The following BMPR1A variants were observed in gnomAD, a reference collection of about 807,000 sequenced individuals.
BMPR1A encodes the protein bone morphogenetic protein receptor type-1A.
Under a neutral mutation model 66.0 loss-of-function variants are expected in BMPR1A, and 7 were observed. The ratio of observed to expected loss-of-function variants is 0.11; its 90% CI spans 0.06 to 0.20. BMPR1A has a LOEUF of 0.20. Among genes scored for constraint, BMPR1A ranks in the 10% least tolerant of loss-of-function variants. The pLI, the probability that BMPR1A is intolerant of heterozygous loss-of-function variation, is 1.00. For missense variants in BMPR1A, 408 were observed against 669.1 expected, an observed-to-expected ratio of 0.61 and a Z score of 4.31; for synonymous variants, 200 against 229.7, an observed-to-expected ratio of 0.87 and a Z score of 1.17.
At chr10:86,886,124 C>T (rs1335560766) in intron 3 of BMPR1A, among the ~76,000 whole-genome samples, 1 of 152,098 alleles carries the variant, frequency 6.6e-6, no homozygotes, top group Non-Finnish European at 1.5e-5. Flanking sequence ...GTAGTTTATT[C>T]TTTGTAAATA....
rs112090357 is a variant in BMPR1A at position 86,920,698 on chromosome 10, G to A, written c.1167-822G>A. Among the ~76,000 whole-genome samples the A allele has an allele frequency of 5.5e-3, 841 of 152,200 alleles. 7 individuals carry two copies. Among genetic ancestry groups the A allele is most frequent in the African/African-American group, 0.019 (797 of 41,508 alleles). On this transcript the variant is annotated intron_variant, in intron 10 of 12. Coordinates refer to ENST00000372037, the MANE Select transcript of BMPR1A (RefSeq NM_004329.3). Reference sequence around the variant, plus strand: ...ACATTGCTAACAACAGAACTCTGTTGATGGGACCCATAAAGAAGAAAATGT... The same window carrying A: ...ACATTGCTAACAACAGAACTCTGTTAATGGGACCCATAAAGAAGAAAATGT...
chr10:86,872,376 A>G (rs1307047905), intron 2 of BMPR1A, among the ~76,000 whole-genome samples: 1 of 152,182 alleles, frequency 6.6e-6, no homozygotes, highest in Non-Finnish European at 1.5e-5. Flanking sequence ...AGTATAGGAT[A>G]GTTGTTAACA....
intron 1 of BMPR1A, among the ~76,000 whole-genome samples, chr10:86,766,003 T>TTTTTTTTTTTTTTG (rs1216917042): frequency 2.0e-5 from 3 of 150,958 alleles, no homozygotes; most frequent in African/African-American, 2.4e-5. Context: ...TTTTTTTTTT[T>TTTTTTTTTTTTTTG]GAGGGAAGGT....
intron 2 of BMPR1A, among the ~76,000 whole-genome samples, chr10:86,857,368 G>T (rs1455056129): frequency 6.6e-6 from 1 of 152,146 alleles, no homozygotes; most frequent in African/African-American, 2.4e-5. Flanking sequence ...TCTCTCCCAA[G>T]AACTAGGGTC....
chr10:86,846,564 G>A (rs903423483), intron 2 of BMPR1A, among the ~76,000 whole-genome samples: 4 of 152,100 alleles, frequency 2.6e-5, no homozygotes, highest in African/African-American at 9.7e-5. Context: ...AGCCGGGCAT[G>A]GTGGTACATG....
chr10:86,895,198 T>G (rs1400774542), intron 5 of BMPR1A, among the ~76,000 whole-genome samples: 1 of 152,204 alleles, frequency 6.6e-6, no homozygotes, highest in Non-Finnish European at 1.5e-5. Context: ...GATGATAGGA[T>G]CTTTATGGCA....
chr10:86,766,617 C>CTTTTTTTTTTT (rs71019427), intron 1 of BMPR1A, among the ~76,000 whole-genome samples: 27 of 131,244 alleles, frequency 2.1e-4, no homozygotes, highest in African/African-American at 4.7e-4. Flanking sequence ...TCATATCAGT[C>CTTTTTTTTTTT]TTTTTTTTTT....
intron 8 of BMPR1A, among the ~76,000 whole-genome samples, chr10:86,914,492 T>C (rs1843534988): frequency 6.6e-6 from 1 of 152,194 alleles, no homozygotes; most frequent in Non-Finnish European, 1.5e-5. Flanking sequence ...ACAGGGTTTT[T>C]GTGCAAAATA....
intron 1 of BMPR1A, among the ~76,000 whole-genome samples, chr10:86,797,602 G>A (rs1422465253): frequency 6.6e-6 from 1 of 152,038 alleles, no homozygotes; most frequent in Admixed American, 6.6e-5. Context: ...CTGACCTCAA[G>A]TGATCCGCCC....
At chr10:86,877,549 G>A (rs957148238) in intron 3 of BMPR1A, among the ~76,000 whole-genome samples, 4 of 152,162 alleles carry the variant, frequency 2.6e-5, no homozygotes, top group African/African-American at 9.7e-5. Context: ...GAAATCTATA[G>A]CTTCTTTTTA....
intron 2 of BMPR1A, among the ~76,000 whole-genome samples, chr10:86,862,717 AGGAAAGAG>A (rs1842728545): frequency 6.6e-6 from 1 of 152,086 alleles, no homozygotes; most frequent in South Asian, 2.1e-4. Context: ...GAATGCAAGA[AGGAAAGAG>A]GGAGTTGTCA....
chr10:86,866,399 C>CTTTTTTTT lies in BMPR1A; in HGVS notation c.-152-9448_-152-9441dup, dbSNP rs1048293127. On this transcript the variant is annotated intron_variant, in intron 2 of 12. Transcript: ENST00000372037. ...TGTGTTAAGTTGGGCAAGTTTCTTTCTTTTTTTTTTTTTTTTTTTTTTTTT... is the reference window on the plus strand; with the variant it reads ...TGTGTTAAGTTGGGCAAGTTTCTTTCTTTTTTTTTTTTTTTTTTTTTTTTTTTTTTTTT... Among the ~76,000 whole-genome samples the CTTTTTTTT allele has an allele frequency of 2.6e-4, 18 of 69,472 alleles. 1 individual carries two copies. Among genetic ancestry groups the CTTTTTTTT allele is most frequent in the South Asian group, 1.1e-3 (2 of 1,844 alleles). 45.6% of individuals were successfully genotyped at this position (69,472 alleles called of 152,430 possible).
chr10:86,884,211 A>G (rs1447214035), intron 3 of BMPR1A, among the ~76,000 whole-genome samples: 1 of 151,696 alleles, frequency 6.6e-6, no homozygotes, highest in Non-Finnish European at 1.5e-5. Flanking sequence ...CAGCCACCCA[A>G]GTACCTGGAA....
intron 2 of BMPR1A, among the ~76,000 whole-genome samples, chr10:86,840,458 T>G (rs1842410509): frequency 6.6e-6 from 1 of 152,172 alleles, no homozygotes; most frequent in African/African-American, 2.4e-5. Context: ...CTCCTTGACC[T>G]TTTTTCCTTC....
At position 86,773,597 on chromosome 10, in the gene BMPR1A, G is replaced by GA. The variant is rs71019429; in HGVS notation, c.-268+16698dup. Among the ~76,000 whole-genome samples, 150 of 99,856 alleles carry GA rather than the reference G, an allele frequency of 1.5e-3. 1 individual carries two copies. Among genetic ancestry groups the GA allele is most frequent in the East Asian group, 4.5e-3 (15 of 3,310 alleles). 65.5% of individuals were successfully genotyped at this position (99,856 alleles called of 152,430 possible). On this transcript the variant is annotated intron_variant, in intron 1 of 12. Transcript: ENST00000372037. ...ACAGAGCAAGACTCCGTCTCAGAAA[G>GA]AAAAAAAAAAAAAAAAAAAACACAA...
chr10:86,871,704 G>C (rs1842857307), intron 2 of BMPR1A, among the ~76,000 whole-genome samples: 1 of 151,956 alleles, frequency 6.6e-6, no homozygotes, highest in Non-Finnish European at 1.5e-5. Context: ...CAGCTACTCA[G>C]GAGGCTGAGG....
At position 86,845,306 on chromosome 10, in the gene BMPR1A, G is replaced by A. The variant is rs145556919; in HGVS notation, c.-153+6327G>A. On this transcript the variant is annotated intron_variant, in intron 2 of 12. Coordinates refer to ENST00000372037, the MANE Select transcript of BMPR1A (RefSeq NM_004329.3). Reference sequence around the variant, plus strand: ...CTGCGGGCAGCTGGGCTTCAGCCCTGTGGGTGTCTTCTGAATGTACCTCAC... The same window carrying A: ...CTGCGGGCAGCTGGGCTTCAGCCCTATGGGTGTCTTCTGAATGTACCTCAC... 1.9e-4 allele frequency among the ~76,000 whole-genome samples: 29 copies of A among 152,348 alleles called. No individual in the cohort carries two copies. In the East Asian group the frequency reaches 5.6e-3, roughly 29 times the overall value.
chr10:86,799,093 TAAG>T (rs1589721631), intron 1 of BMPR1A, among the ~76,000 whole-genome samples: 1 of 152,190 alleles, frequency 6.6e-6, no homozygotes, highest in Non-Finnish European at 1.5e-5. Flanking sequence ...ATGGAGAACT[TAAG>T]GAGTTAAAGT....
chr10:86,901,135 C>G (rs1843302891), intron 7 of BMPR1A, among the ~76,000 whole-genome samples: 1 of 152,222 alleles, frequency 6.6e-6, no homozygotes, highest in African/African-American at 2.4e-5. Flanking sequence ...GAACTGAGGC[C>G]TCTTGCCAAT....
Sources: gnomAD v4.1 joint callset for allele counts (sites outside exome capture counted in the v4.1 genomes callset) on GRCh38, gnomAD v4.1.1 for gene constraint, MANE v1.5 for transcripts, NCBI Gene and HGNC (gene_info 2026-07-23, HGNC 2026-07-21) for gene names.